Variants in KCNH1 observed in about 807,000 individuals in gnomAD.
The protein encoded by KCNH1 is potassium voltage-gated channel subfamily H member 1, also known as voltage-gated delayed rectifier potassium channel KCNH1.
A neutral mutation model predicts 69.2 loss-of-function variants in KCNH1; 27 were observed. That is an observed-to-expected ratio of 0.39 (90% CI 0.29 to 0.54). The LOEUF is 0.54. KCNH1 is among the 20% of genes least tolerant of loss of function. The probability of loss-of-function intolerance (pLI) is 0.68; values close to 1 mark genes in which losing one functional copy is unlikely to be tolerated. For missense variants in KCNH1, 798 were observed against 1,261.6 expected (o/e 0.63, Z 5.57); for synonymous variants, 456 against 487.7 (o/e 0.93, Z 0.86).
intron 6 of KCNH1, among the ~76,000 whole-genome samples, chr1:211,014,314 C>T (rs1475855698): frequency 2.0e-5 from 3 of 152,212 alleles, no homozygotes; most frequent in Non-Finnish European, 4.4e-5. Flanking sequence ...TCTGCTTTGA[C>T]ATACCCGTTC....
chr1:210,899,822 T>C (rs899059730), intron 7 of KCNH1, among the ~76,000 whole-genome samples: 5 of 152,176 alleles, frequency 3.3e-5, no homozygotes, highest in South Asian at 2.1e-4. Context: ...TCACAGCCAT[T>C]AGCTAAGCAG....
At chr1:211,009,174 C>G (rs537919493) in intron 6 of KCNH1, among the ~76,000 whole-genome samples, 48 of 152,228 alleles carry the variant, frequency 3.2e-4, no homozygotes, top group African/African-American at 1.1e-3. Flanking sequence ...CTAGGTCTAA[C>G]GTTGCCAACA....
At chr1:211,027,057 A>G (rs1474174620) in intron 5 of KCNH1, among the ~76,000 whole-genome samples, 1 of 152,222 alleles carries the variant, frequency 6.6e-6, no homozygotes, top group East Asian at 1.9e-4. Context: ...AAATTCATTC[A>G]TTATACCAAG....
chr1:211,127,425 C>CAA (rs11340722), intron 1 of KCNH1, among the ~76,000 whole-genome samples: 37 of 127,616 alleles, frequency 2.9e-4, no homozygotes, highest in Non-Finnish European at 3.5e-4. Flanking sequence ...ACACACACAC[C>CAA]AAAAAAAAAA....
At chr1:210,884,802 G>A (rs1289501258) in intron 7 of KCNH1, among the ~76,000 whole-genome samples, 6 of 152,120 alleles carry the variant, frequency 3.9e-5, no homozygotes, top group South Asian at 2.1e-4. Flanking sequence ...AGTTTGTACC[G>A]CGATTCCTGA....
chr1:211,093,723 G>A (rs1026765589), intron 3 of KCNH1, among the ~76,000 whole-genome samples: 1 of 152,164 alleles, frequency 6.6e-6, no homozygotes, highest in Admixed American at 6.5e-5. Flanking sequence ...CTTTTTGAGG[G>A]AAATGACCTC....
intron 7 of KCNH1, chr1:210,862,241 C>A: frequency 9.1e-7 from 1 of 1,103,716 alleles, no homozygotes; most frequent in Non-Finnish European, 1.4e-6. Flanking sequence ...AGGGCTGGGT[C>A]CATGGTGCCC....
intron 5 of KCNH1, among the ~76,000 whole-genome samples, chr1:211,047,825 T>C (rs550578508): frequency 1.3e-3 from 192 of 151,786 alleles, no homozygotes; most frequent in African/African-American, 4.4e-3. Flanking sequence ...AAATGACTAA[T>C]ATCCAGAATC....
intron 6 of KCNH1, among the ~76,000 whole-genome samples, chr1:211,000,601 A>G (rs1689156656): frequency 6.6e-6 from 1 of 152,228 alleles, no homozygotes; most frequent in Admixed American, 6.5e-5. Context: ...GGTAATTTAT[A>G]GATTCAATGC....
chr1:210,888,220 A>T (rs1216281195), intron 7 of KCNH1, among the ~76,000 whole-genome samples: 1 of 152,252 alleles, frequency 6.6e-6, no homozygotes, highest in Non-Finnish European at 1.5e-5. Flanking sequence ...GTCAGACCAC[A>T]GTGCAATCAA....
At chr1:210,977,067 A>C (rs1460264112) in intron 6 of KCNH1, among the ~76,000 whole-genome samples, 4 of 152,048 alleles carry the variant, frequency 2.6e-5, no homozygotes, top group Non-Finnish European at 5.9e-5. Flanking sequence ...AAATGTCCAA[A>C]AATGATAGAC....
chr1:210,898,991 G>C (rs559442018), intron 7 of KCNH1, among the ~76,000 whole-genome samples: 1 of 152,112 alleles, frequency 6.6e-6, no homozygotes, highest in Non-Finnish European at 1.5e-5. Context: ...GGCTCACAAT[G>C]GTTTTTAATC....
chr1:211,120,483 C>A (rs1435498490), intron 1 of KCNH1, among the ~76,000 whole-genome samples: 1 of 152,078 alleles, frequency 6.6e-6, no homozygotes, highest in African/African-American at 2.4e-5. Flanking sequence ...AGCCACCATG[C>A]CTGGCCTGAT....
chr1:210,768,365 C>T (rs1036409291), intron 10 of KCNH1, among the ~76,000 whole-genome samples: 2 of 152,136 alleles, frequency 1.3e-5, no homozygotes, highest in Non-Finnish European at 2.9e-5. Flanking sequence ...AGGATTTGAA[C>T]TCAAATACTC....
chr1:211,125,256 T>C lies in KCNH1; in HGVS notation c.79+8611A>G, dbSNP rs149307026. Among the ~76,000 whole-genome samples the C allele has an allele frequency of 5.8e-3, 877 of 152,194 alleles. 7 individuals carry two copies. The highest frequency in any genetic ancestry group is 0.02 in the African/African-American group (820 of 41,524). On this transcript the variant is annotated intron_variant, in intron 1 of 10. Transcript: ENST00000271751. ...CAAGGGAGCCTACAGGTGTACTCTA[T>C]ACAGGTCAGCCTCCCAGCCTCCAAC...
chr1:210,868,463 A>C (rs1686164329), intron 7 of KCNH1, among the ~76,000 whole-genome samples: 1 of 151,958 alleles, frequency 6.6e-6, no homozygotes, highest in African/African-American at 2.4e-5. Flanking sequence ...TTGTGTCGTA[A>C]GAAATCTTCG....
intron 7 of KCNH1, chr1:210,860,895 G>A: frequency 1.1e-6 from 1 of 930,454 alleles, no homozygotes; most frequent in Non-Finnish European, 1.8e-6. Context: ...TGAAGAGAGA[G>A]AACACATGAT....
chr1:210,963,662 C>A (rs975577363), intron 6 of KCNH1, among the ~76,000 whole-genome samples: 3 of 151,502 alleles, frequency 2.0e-5, no homozygotes, highest in Admixed American at 2.0e-4. Flanking sequence ...TATCAATAGC[C>A]GAATTGATCA....
intron 5 of KCNH1, 31 bp downstream of exon 5, chr1:211,082,749 G>A (rs948837638): frequency 2.6e-6 from 4 of 1,561,148 alleles, no homozygotes; most frequent in Non-Finnish European, 3.5e-6. Flanking sequence ...CTAAAAGTGA[G>A]GCTCAAGATG....
Sources: allele counts gnomAD v4.1 joint callset (sites outside exome capture counted in the v4.1 genomes callset), GRCh38; gene constraint gnomAD v4.1.1; transcripts MANE v1.5; gene names NCBI Gene and HGNC (gene_info 2026-07-23, HGNC 2026-07-21).